Variants in CAPN15 observed in about 807,000 individuals in gnomAD.
CAPN15 encodes calpain-15.
In CAPN15, 53 loss-of-function variants were observed where a neutral mutation model predicts 97.9. That is an observed-to-expected ratio of 0.54 (90% CI 0.43 to 0.68). The LOEUF (loss-of-function observed/expected upper bound fraction) is 0.68. CAPN15 is among the 30% of genes least tolerant of loss of function. CAPN15 has a pLI of 0.00. For missense variants in CAPN15, 1,592 were observed against 1,589.8 expected (o/e 1.00, Z -0.02); for synonymous variants, 922 against 722.5 (o/e 1.28, Z -4.43).
Position 553,346 on chromosome 16 carries a change from C to A in CAPN15, c.3091C>A (p.Leu1031Met). The change falls in exon 14 of 14, where the codon CTG (leucine) becomes ATG (methionine). Residue 1031 changes from leucine (L) to methionine (M), a missense_variant. By Grantham distance (15) the Leu-to-Met change is conservative (BLOSUM62 2). Transcript: ENST00000219611. ...ACCGGTCCCCTCCCCCAGGCAGGTCCTGGTGATCTTGTCCCAGCTAGAGGG... is the reference window on the plus strand; with the variant it reads ...ACCGGTCCCCTCCCCCAGGCAGGTCATGGTGATCTTGTCCCAGCTAGAGGG... ...DSVPPLHRQV[L>M]VILSQLEGNA... 6.2e-7 allele frequency: 1 copy of A among 1,603,800 alleles called. No homozygotes were observed. The highest frequency in any genetic ancestry group is 8.5e-7 in the Non-Finnish European group (1 of 1,175,256).
Position 549,399 on chromosome 16 carries a change from C to T in CAPN15, c.1770C>T (p.Asp590=), listed in dbSNP as rs149821359. Residue 590 remains aspartate, a synonymous_variant, in exon 6 of 14, where the codon GAC becomes GAT. Transcript: ENST00000219611. ...CCTACCAGGTGCGGCTGTGCAAGGA[C>T]GGCACGTGGACCACGGTGCTGGTGG... ...EGAYQVRLCK[D]GTWTTVLVDD... 7.2e-4 allele frequency: 1,155 copies of T among 1,599,314 alleles called. 8 individuals are homozygous for T. In the African/African-American group the frequency reaches 0.014, roughly 19 times the overall value.
At chr16:548,387 C>T in intron 4 of CAPN15, 100 bp downstream of exon 4, 1 of 1,213,876 alleles carries the variant, frequency 8.2e-7, no homozygotes, top group South Asian at 1.7e-5. Flanking sequence ...GAGGAGCCCA[C>T]AAGGCCTAAG....
At chr16:541,007 T>C (rs1159052752) in intron 3 of CAPN15, among the ~76,000 whole-genome samples, 1 of 152,214 alleles carries the variant, frequency 6.6e-6, no homozygotes, top group African/African-American at 2.4e-5. Context: ...GGGCCAGTGC[T>C]GCAGTGGCCG....
Position 554,134 on chromosome 16 carries a change from G to A in CAPN15, c.*618G>A, listed in dbSNP as rs536687907. On this transcript the variant is annotated 3_prime_UTR_variant, in exon 14 of 14. Transcript: ENST00000219611. ...ATCGAAGCCATGACTGGGTGCAGGCGGGCGCCAGGCCCGCTGTGGGTGGGC... is the reference window on the plus strand; with the variant it reads ...ATCGAAGCCATGACTGGGTGCAGGCAGGCGCCAGGCCCGCTGTGGGTGGGC... 6.2e-5 allele frequency: 13 copies of A among 209,902 alleles called. No homozygotes were observed. The highest frequency in any genetic ancestry group is 3.6e-4 in the Admixed American group (7 of 19,296). The allele number at this position is 209,902 out of a possible 1,614,324, so 13.0% of individuals were successfully genotyped here.
intron 1 of CAPN15, 133 bp downstream of exon 1, chr16:528,162 C>A: frequency 6.6e-6 from 1 of 150,936 alleles, no homozygotes; most frequent in South Asian, 2.0e-4. Flanking sequence ...GCGCCGGGCT[C>A]CGAGCCAGGG....
intron 7 of CAPN15, among the ~76,000 whole-genome samples, chr16:550,798 G>T (rs866663445): frequency 1.0e-3 from 7 of 6,932 alleles, no homozygotes; most frequent in Non-Finnish European, 1.2e-3. Context: ...TGAGGGTCCC[G>T]GTCGGTGAGG....
At chr16:529,131 G>A (rs899621829) in intron 1 of CAPN15, among the ~76,000 whole-genome samples, 1 of 151,898 alleles carries the variant, frequency 6.6e-6, no homozygotes, top group Non-Finnish European at 1.5e-5. Context: ...GCTTGCGGGA[G>A]GAGCACCCCT....
In CAPN15 at chr16:552,380, CT is replaced by C; in HGVS notation, c.2588del (p.Leu863ProfsTer111). The C allele has an allele frequency of 6.2e-7, 1 of 1,604,044 alleles. No individual in the cohort carries two copies. On this transcript the variant is annotated frameshift_variant, in exon 11 of 14. Transcript: ENST00000219611. LOFTEE classifies it high-confidence loss of function. The surrounding 1 kb of genome is among the most constrained non-coding windows in gnomAD (Gnocchi z 6.4). ...FRATFGSGGHLSLGRLLAHSK... is the reference protein window; with the variant it reads ...FRATFGSGGHXSLGRLLAHSK... ...GGCCACGTTCGGCAGCGGCGGCCAC[CT>C]CAGCCTGGGCCGCCTCCTGGCCCAC...
Position 552,385 on chromosome 16 carries a change from C to G in CAPN15, c.2592C>G (p.Ser864Arg). 2 of 1,604,800 alleles carry G rather than the reference C, an allele frequency of 1.2e-6. No homozygotes were observed. Among genetic ancestry groups the G allele is most frequent in the Non-Finnish European group, 8.5e-7 (1 of 1,178,312 alleles). ...CGTTCGGCAGCGGCGGCCACCTCAG[C>G]CTGGGCCGCCTCCTGGCCCACAGTA... ...RATFGSGGHL[S>R]LGRLLAHSKR... The change falls in exon 11 of 14, where the codon AGC (serine) becomes AGG (arginine). Residue 864 changes from serine to arginine, a missense_variant. Ser to Arg is a moderately radical substitution (Grantham distance 110). Coordinates refer to ENST00000219611, the MANE Select transcript of CAPN15 (RefSeq NM_005632.3). The surrounding 1 kb of genome is among the most constrained non-coding windows in gnomAD (Gnocchi z 6.4).
At position 552,503 on chromosome 16, in the gene CAPN15, C is replaced by T. The variant is rs776099835; in HGVS notation, c.2710C>T (p.Pro904Ser). ...CTGCGCCTTCAACCACTGGGGGCCGCCCCTGCCGGGCACCCCTGCCCCCCA... is the reference window on the plus strand; with the variant it reads ...CTGCGCCTTCAACCACTGGGGGCCGTCCCTGCCGGGCACCCCTGCCCCCCA... ...VCCAFNHWGP[P>S]LPGTPAPQAS... Residue 904 changes from proline to serine, a missense_variant, in exon 11 of 14, where the codon CCC becomes TCC. Physicochemically the swap from Pro to Ser is moderately conservative, Grantham distance 74. Around this residue, in one of 3 missense-constraint regions of CAPN15, gnomAD observed 644 missense variants for 699.6 expected, o/e 0.92. Transcript: ENST00000219611. This position sits in a 1 kb window ranked among gnomAD's most constrained non-coding sequence, Gnocchi z 6.4. 31 of 1,605,294 alleles carry T rather than the reference C, an allele frequency of 1.9e-5. No homozygotes were observed. The highest frequency in any genetic ancestry group is 1.7e-4 in the Admixed American group (10 of 59,900).
chr16:549,242 G>GGGGGGGGGGGGGGGGC, intron 5 of CAPN15, 41 bp downstream of exon 5: 3 of 298,896 alleles, frequency 1.0e-5, no homozygotes, highest in Non-Finnish European at 1.3e-5. Flanking sequence ...GGGTGGGCGG[G>GGGGGGGGGGGGGGGGC]CGACCGGCCG....
intron 7 of CAPN15, 38 bp downstream of exon 7, chr16:549,876 A>C: frequency 6.8e-7 from 1 of 1,467,158 alleles, no homozygotes; most frequent in Non-Finnish European, 9.3e-7. Flanking sequence ...CCGCGTTGGG[A>C]GGAGAGGCGA....
Position 552,775 on chromosome 16 carries a change from G to A in CAPN15, c.2904+4G>A, listed in dbSNP as rs1162612416. On this transcript the variant is annotated splice_donor_region_variant and intron_variant, in intron 12 of 13. Transcript: ENST00000219611. This position sits in a 1 kb window ranked among gnomAD's most constrained non-coding sequence, Gnocchi z 6.4. ...GAGCCGCGGAGAGCGGCACGAGGTG[G>A]GTGGGGGTCCCGGGGGAGGGTGGCG... 10 of 1,527,940 alleles carry A rather than the reference G, an allele frequency of 6.5e-6. No homozygotes were observed. The highest frequency in any genetic ancestry group is 8.8e-6 in the Non-Finnish European group (10 of 1,134,294). The allele number at this position is 1,527,940 out of a possible 1,614,324, so 94.6% of individuals were successfully genotyped here.
chr16:528,767 G>C (rs2033032704), intron 1 of CAPN15: 2 of 985,306 alleles, frequency 2.0e-6, no homozygotes, highest in African/African-American at 1.7e-5. Context: ...CCTGAGGCCA[G>C]GCCTGGGTGT....
Position 547,270 on chromosome 16 carries a change from A to G in CAPN15, c.432A>G (p.Arg144=). 6.6e-7 allele frequency: 1 copy of G among 1,509,844 alleles called. No individual in the cohort carries two copies. Among genetic ancestry groups the G allele is most frequent in the Non-Finnish European group, 8.8e-7 (1 of 1,134,280 alleles). 93.5% of individuals were successfully genotyped at this position (1,509,844 alleles called of 1,614,324 possible). A position where few individuals can be genotyped will look rare whatever the true frequency, so the allele number is the denominator to read the frequency against. Reference sequence around the variant, plus strand: ...AGGAGGAGGGAGCGGCGGAGCCCAGAGGGGGCTGGGCGTGTCCGCGTTGCA... The same window carrying G: ...AGGAGGAGGGAGCGGCGGAGCCCAGGGGGGGCTGGGCGTGTCCGCGTTGCA... ...QEEEEGAAEP[R]GGWACPRCTL... is the part of the protein sequence containing the mutation. Residue 144 remains arginine, a synonymous_variant, in exon 4 of 14, where the codon AGA becomes AGG. Coordinates refer to ENST00000219611, the MANE Select transcript of CAPN15 (RefSeq NM_005632.3).
chr16:540,363 G>A, intron 3 of CAPN15: 2 of 985,518 alleles, frequency 2.0e-6, no homozygotes, highest in Non-Finnish European at 2.4e-6. Context: ...CACGGCCCCG[G>A]GCCCGAAGGT....
intron 3 of CAPN15, among the ~76,000 whole-genome samples, chr16:542,889 A>G (rs370206780): frequency 3.3e-5 from 5 of 152,194 alleles, no homozygotes. Context: ...CCCCATCTCT[A>G]CTAAAACAAA....
intron 3 of CAPN15, among the ~76,000 whole-genome samples, chr16:540,915 G>A (rs935107570): frequency 1.3e-5 from 2 of 152,204 alleles, no homozygotes; most frequent in African/African-American, 4.8e-5. Flanking sequence ...GGTCTGGACT[G>A]GCTGGACCCC....
rs921542532 is a variant in CAPN15, at chr16:552,938, C to T, written c.2980C>T (p.Pro994Ser). 1.9e-6 allele frequency: 3 copies of T among 1,611,900 alleles called. No individual in the cohort carries two copies. The highest frequency in any genetic ancestry group is 2.5e-6 in the Non-Finnish European group (3 of 1,179,530). Residue 994 changes from proline (P) to serine (S), a missense_variant, in exon 13 of 14, where the codon CCC (proline) becomes TCC (serine). Physicochemically the swap from Pro to Ser is moderately conservative, Grantham distance 74. Around this residue, in one of 3 missense-constraint regions of CAPN15, gnomAD observed 644 missense variants for 699.6 expected, o/e 0.92. Transcript: ENST00000219611. The surrounding 1 kb of genome is among the most constrained non-coding windows in gnomAD (Gnocchi z 6.4). ...GLIVVVENRH[P>S]KAYLHVQCDC... is the part of the protein sequence containing the mutation. ...CATCGTGGTGGTGGAGAACCGACAC[C>T]CCAAGGCCTACCTGCACGTGCAGTG... is the stretch of plus-strand genomic sequence containing the variant.
Sources: gnomAD v4.1 joint callset for allele counts (sites outside exome capture counted in the v4.1 genomes callset) on GRCh38, gnomAD v4.1.1 for gene constraint, gnomAD v4.1.1 regional missense constraint, Gnocchi (gnomAD v3.1) non-coding constraint, MANE v1.5 for transcripts, NCBI Gene and HGNC (gene_info 2026-07-23, HGNC 2026-07-21) for gene names.